FMNL2: variants seen among roughly 807,000 people sequenced by gnomAD.
FMNL2 encodes the protein formin-like protein 2.
FMNL2 carries 51 observed loss-of-function variants against 130.2 expected under a neutral mutation model. The observed-to-expected ratio is 0.39, with a 90% CI of 0.31 to 0.49. FMNL2 has a LOEUF of 0.49. FMNL2 is among the 20% of genes least tolerant of loss of function. The probability of loss-of-function intolerance (pLI) is 0.85; values close to 1 mark genes in which losing one functional copy is unlikely to be tolerated. For missense variants in FMNL2, 977 were observed against 1,316.2 expected (o/e 0.74, Z 3.99); for synonymous variants, 465 against 467.1 (o/e 1.00, Z 0.06).
At chr2:152,629,553 A>C in intron 18 of FMNL2, 103 bp from the exon 19 acceptor site, 7 of 1,003,444 alleles carry the variant, frequency 7.0e-6, no homozygotes, top group South Asian at 1.5e-5. Flanking sequence ...TGTATGCTCT[A>C]AATGCAGGCC....
At chr2:152,341,646 T>C (rs1056384564) in intron 1 of FMNL2, among the ~76,000 whole-genome samples, 2 of 152,190 alleles carry the variant, frequency 1.3e-5, no homozygotes, top group Non-Finnish European at 2.9e-5. Flanking sequence ...GTTAACATAG[T>C]CGTGAGATGA....
intron 1 of FMNL2, among the ~76,000 whole-genome samples, chr2:152,476,995 T>C (rs1411305663): frequency 1.3e-5 from 2 of 152,180 alleles, no homozygotes; most frequent in Non-Finnish European, 2.9e-5. Flanking sequence ...AGATCTTATT[T>C]ATCGTCTCAA....
intron 1 of FMNL2, among the ~76,000 whole-genome samples, chr2:152,461,509 T>G (rs1478072120): frequency 6.6e-6 from 1 of 152,216 alleles, no homozygotes; most frequent in Non-Finnish European, 1.5e-5. Context: ...ATACCACATT[T>G]GTTCCAGTTA....
chr2:152,529,590 C>A (rs961296821), intron 2 of FMNL2, among the ~76,000 whole-genome samples: 1 of 152,120 alleles, frequency 6.6e-6, no homozygotes, highest in Non-Finnish European at 1.5e-5. Context: ...ACTGGAAAAG[C>A]AATCAAATAG....
At chr2:152,575,289 C>A in intron 7 of FMNL2, 45 bp downstream of exon 7, 1 of 1,317,916 alleles carries the variant, frequency 7.6e-7, no homozygotes, top group South Asian at 1.3e-5. Flanking sequence ...CTGAATTAAT[C>A]AGACTCAGAA....
chr2:152,420,249 A>T (rs1686837925), intron 1 of FMNL2, among the ~76,000 whole-genome samples: 1 of 152,206 alleles, frequency 6.6e-6, no homozygotes, highest in Non-Finnish European at 1.5e-5. Context: ...GGTCACCACA[A>T]ATTATAGAAA....
chr2:152,375,850 G>GCCCT (rs1553871974), intron 1 of FMNL2, among the ~76,000 whole-genome samples: 1 of 100,602 alleles, frequency 9.9e-6, no homozygotes, highest in African/African-American at 3.7e-5. Context: ...AGCCATTGAA[G>GCCCT]CTCTCTCTCT....
At chr2:152,410,877 C>T (rs1007582731) in intron 1 of FMNL2, among the ~76,000 whole-genome samples, 3 of 152,116 alleles carry the variant, frequency 2.0e-5, no homozygotes, top group African/African-American at 7.2e-5. Context: ...TTGCTGACTT[C>T]CTAGAGGGGT....
chr2:152,548,334 C>CG (rs1249984254), intron 3 of FMNL2, among the ~76,000 whole-genome samples: 3 of 152,174 alleles, frequency 2.0e-5, no homozygotes, highest in Non-Finnish European at 4.4e-5. Flanking sequence ...TTGTGTTTGA[C>CG]GGGGGAAAGT....
intron 1 of FMNL2, among the ~76,000 whole-genome samples, chr2:152,351,653 A>G (rs996778667): frequency 6.6e-6 from 1 of 152,208 alleles, no homozygotes; most frequent in Non-Finnish European, 1.5e-5. Flanking sequence ...ATAGTGTTGC[A>G]GTAGACATAC....
intron 1 of FMNL2, among the ~76,000 whole-genome samples, chr2:152,377,328 A>G (rs1684227845): frequency 6.6e-6 from 1 of 152,196 alleles, no homozygotes. Context: ...CTAGATCTTG[A>G]AAGTTTTTTA....
At position 152,375,877 on chromosome 2, in the gene FMNL2, C is replaced by CTCTCTCTA. The variant is rs796954245; in HGVS notation, c.117+40158_117+40159insCTCTCTAT. Among the ~76,000 whole-genome samples, 944 of 112,414 alleles carry CTCTCTCTA rather than the reference C, an allele frequency of 8.4e-3. 10 individuals carry two copies. Among genetic ancestry groups the CTCTCTCTA allele is most frequent in the African/African-American group, 0.028 (810 of 28,876 alleles). The allele number at this position is 112,414 out of a possible 152,430, so 73.7% of individuals were successfully genotyped here. ...TCTCTCTCTCTCTCTCTCTCTCTCT[C>CTCTCTCTA]TATATATATATATATATATAATTAT... On this transcript the variant is annotated intron_variant, in intron 1 of 25. Coordinates refer to ENST00000288670, the MANE Select transcript of FMNL2 (RefSeq NM_052905.4).
intron 1 of FMNL2, among the ~76,000 whole-genome samples, chr2:152,500,761 T>A (rs1691779290): frequency 6.6e-6 from 1 of 152,080 alleles, no homozygotes; most frequent in Non-Finnish European, 1.5e-5. Flanking sequence ...GGCAGGGGAA[T>A]CACTTGAACC....
At chr2:152,373,351 G>T (rs1040547364) in intron 1 of FMNL2, among the ~76,000 whole-genome samples, 1 of 152,124 alleles carries the variant, frequency 6.6e-6, no homozygotes, top group African/African-American at 2.4e-5. Context: ...CAGTTGGGGG[G>T]AGTTTTAGTT....
At chr2:152,525,212 A>G (rs1693320206) in intron 2 of FMNL2, among the ~76,000 whole-genome samples, 1 of 152,156 alleles carries the variant, frequency 6.6e-6, no homozygotes. Context: ...ATAGTAGGTA[A>G]GGGTTTCTTA....
Position 152,553,030 on chromosome 2 carries a change from G to A in FMNL2, c.359+3933G>A, listed in dbSNP as rs552577268. ...ATTGTGGTGTAGAGAGAACAGGCAT[G>A]AGATGGCAGAAGGAATGTGGCAAGT... On this transcript the variant is annotated intron_variant, in intron 4 of 25. Transcript: ENST00000288670. Among the ~76,000 whole-genome samples the A allele has an allele frequency of 1.4e-4, 22 of 152,324 alleles. No individual in the cohort carries two copies. The South Asian group carries it at 4.6e-3, about 32-fold the overall frequency.
chr2:152,458,039 C>A lies in FMNL2; in HGVS notation c.118-63904C>A, dbSNP rs921016919. Among the ~76,000 whole-genome samples, 6 of 152,276 alleles carry A rather than the reference C, an allele frequency of 3.9e-5. No individual in the cohort carries two copies. The South Asian group carries it at 6.2e-4, about 16-fold the overall frequency. On this transcript the variant is annotated intron_variant, in intron 1 of 25. Coordinates refer to ENST00000288670, the MANE Select transcript of FMNL2 (RefSeq NM_052905.4). ...AATCTCACTTTCACAAGGTCTTTAACTTTAATCATATCTGCAAAGTCTCCT... is the reference window on the plus strand; with the variant it reads ...AATCTCACTTTCACAAGGTCTTTAAATTTAATCATATCTGCAAAGTCTCCT...
intron 2 of FMNL2, among the ~76,000 whole-genome samples, chr2:152,540,440 A>G (rs182694298): frequency 4.5e-4 from 69 of 152,280 alleles, no homozygotes; most frequent in African/African-American, 1.6e-3. Flanking sequence ...AATAATTAGA[A>G]AAAGTGTGCT....
intron 1 of FMNL2, among the ~76,000 whole-genome samples, chr2:152,480,694 C>CA (rs112973717): frequency 7.4e-5 from 5 of 67,226 alleles, no homozygotes; most frequent in Non-Finnish European, 1.1e-4. Context: ...ACAAACAAAA[C>CA]AAAAAAAACT....
Sources: gnomAD v4.1 joint callset for allele counts (sites outside exome capture counted in the v4.1 genomes callset) on GRCh38, gnomAD v4.1.1 for gene constraint, MANE v1.5 for transcripts, NCBI Gene and HGNC (gene_info 2026-07-23, HGNC 2026-07-21) for gene names.